The following NEXN variants were observed in gnomAD, a reference collection of about 807,000 sequenced individuals.
The protein encoded by NEXN is nexilin F-actin binding protein.
A neutral mutation model predicts 92.6 loss-of-function variants in NEXN; 65 were observed. That is an observed-to-expected ratio of 0.70 (90% confidence interval 0.57 to 0.86). NEXN has a LOEUF of 0.86. Ranked by LOEUF, NEXN falls within the 40% of genes least tolerant of loss-of-function variation. The pLI is 0.00. For missense variants in NEXN, 778 were observed against 771.1 expected (o/e 1.01, Z -0.11); for synonymous variants, 254 against 242.5 (o/e 1.05, Z -0.44).
At chr1:77,941,549 T>G (rs1198178959) in intron 11 of NEXN, among the ~76,000 whole-genome samples, 1 of 152,086 alleles carries the variant, frequency 6.6e-6, no homozygotes, top group African/African-American at 2.4e-5. Context: ...CCCTGCCATT[T>G]CACCATCAAT....
In NEXN at chr1:77,921,034, C is replaced by T. The variant is rs898862171; in HGVS notation, c.447+2761C>T. ...CCTAGTTTGTTGGAAAAAAAGTATTCTCCAATGTTTTCTTGTTTTGGTAAT... is the reference window on the plus strand; with the variant it reads ...CCTAGTTTGTTGGAAAAAAAGTATTTTCCAATGTTTTCTTGTTTTGGTAAT... On this transcript the variant is annotated intron_variant, in intron 5 of 12. Transcript: ENST00000334785. Among the ~76,000 whole-genome samples, 9 of 152,226 alleles carry T rather than the reference C, an allele frequency of 5.9e-5. No homozygotes were observed. The East Asian group carries it at 1.2e-3, about 20-fold the overall frequency.
intron 10 of NEXN, 58 bp downstream of exon 10, chr1:77,933,537 A>C: frequency 8.6e-7 from 1 of 1,164,584 alleles, no homozygotes; most frequent in Non-Finnish European, 1.3e-6. Flanking sequence ...TATTTTACTT[A>C]TATCACCTTA....
rs1258136800 is a variant in NEXN, at chr1:77,942,683, T to A, written c.1882T>A (p.Tyr628Asn). Residue 628 changes from tyrosine to asparagine, a missense_variant, in exon 13 of 13, where the codon TAT becomes AAT. Transcript: ENST00000334785. The stretch of plus-strand genomic sequence containing the variant: ...AGAAATACTGCAGGATGGAGAAGAC[T>A]ATCAATATATTGAAAGGGGAGAAAC... ...EGEILQDGED[Y>N]QYIERGETYC... is the part of the protein sequence containing the mutation. 6.2e-7 allele frequency: 1 copy of A among 1,613,722 alleles called. No individual in the cohort carries two copies. Among genetic ancestry groups the A allele is most frequent in the Non-Finnish European group, 8.5e-7 (1 of 1,179,724 alleles).
At position 77,917,702 on chromosome 1, in the gene NEXN, AAAG is replaced by A. The variant is rs1435048653; in HGVS notation, c.170_172del (p.Arg57del). The A allele has an allele frequency of 7.4e-6, 12 of 1,611,778 alleles. No individual in the cohort carries two copies. The highest frequency in any genetic ancestry group is 1.0e-5 in the Non-Finnish European group (12 of 1,178,582). On this transcript the variant is annotated inframe_deletion, in exon 3 of 13. Coordinates refer to ENST00000334785, the MANE Select transcript of NEXN (RefSeq NM_144573.4). ...CAAAGGAGATCTAGAGACGAAAAAC[AAAG>A]AAGAAAAGAACAATATATTAGAGAG...
rs1340718075 is a variant in NEXN, at chr1:77,943,317, A to T, written c.*488A>T. 3 of 178,676 alleles carry T rather than the reference A, an allele frequency of 1.7e-5. No homozygotes were observed. Among genetic ancestry groups the T allele is most frequent in the Non-Finnish European group, 3.6e-5 (3 of 83,996 alleles). The allele number at this position is 178,676 out of a possible 1,614,324, so 11.1% of individuals were successfully genotyped here. On this transcript the variant is annotated 3_prime_UTR_variant, in exon 13 of 13. Coordinates refer to ENST00000334785, the MANE Select transcript of NEXN (RefSeq NM_144573.4). ...CATTTCTGAGCTTTTTACACCTAAA[A>T]TTAGGCTGAAATAGCTGAGATAATT...
chr1:77,938,331 T>C lies in NEXN; in HGVS notation c.1473+2287T>C, dbSNP rs549454695. On this transcript the variant is annotated intron_variant, in intron 11 of 12. Coordinates refer to ENST00000334785, the MANE Select transcript of NEXN (RefSeq NM_144573.4). ...TTGGATCTGTTGTTTTGGGGATATA[T>C]ATGTGGATATAATAAGCATTTAAGA... Among the ~76,000 whole-genome samples the C allele has an allele frequency of 5.3e-5, 8 of 152,256 alleles. 1 individual carries two copies. The South Asian group carries it at 1.7e-3, about 32-fold the overall frequency.
At chr1:77,927,035 C>T (rs914734355) in intron 8 of NEXN, 143 bp downstream of exon 8, 1 of 1,170,912 alleles carries the variant, frequency 8.5e-7, no homozygotes. Flanking sequence ...ATATAAAATA[C>T]ATCTAGGCTA....
intron 9 of NEXN, among the ~76,000 whole-genome samples, chr1:77,932,720 T>C (rs950272928): frequency 7.9e-5 from 12 of 152,228 alleles, no homozygotes; most frequent in African/African-American, 2.4e-4. Context: ...TAATGGAGAA[T>C]AGATGGTTAC....
At chr1:77,931,291 G>C (rs979611193) in intron 9 of NEXN, among the ~76,000 whole-genome samples, 2 of 149,024 alleles carry the variant, frequency 1.3e-5, no homozygotes, top group Non-Finnish European at 3.0e-5. Context: ...GCGGGCACCT[G>C]TAGTCCCAGC....
intron 2 of NEXN, among the ~76,000 whole-genome samples, chr1:77,917,233 G>A (rs1649048736): frequency 6.6e-6 from 1 of 152,280 alleles, no homozygotes; most frequent in Non-Finnish European, 1.5e-5. Flanking sequence ...AATGGAGTTA[G>A]ACAATAAAAG....
Position 77,917,671 on chromosome 1 carries a change from A to C in NEXN, c.133A>C (p.Arg45=), listed in dbSNP as rs2102092028. 1 of 1,613,100 alleles carries C rather than the reference A, an allele frequency of 6.2e-7. No homozygotes were observed. Among genetic ancestry groups the C allele is most frequent in the Non-Finnish European group, 8.5e-7 (1 of 1,179,364 alleles). The part of the protein sequence containing the change: ...FEAMQRAREE[R]NQRRSRDEKQ... ...AGCCATGCAGAGAGCCAGGGAAGAA[A>C]GAAATCAAAGGAGATCTAGAGACGA... Residue 45 remains arginine, a synonymous_variant, in exon 3 of 13, where the codon AGA becomes CGA. Coordinates refer to ENST00000334785, the MANE Select transcript of NEXN (RefSeq NM_144573.4).
At chr1:77,936,411 A>AC (rs1650773472) in intron 11 of NEXN, among the ~76,000 whole-genome samples, 2 of 152,198 alleles carry the variant, frequency 1.3e-5, no homozygotes, top group Non-Finnish European at 2.9e-5. Flanking sequence ...ACAAAGTGAA[A>AC]CCCCATCTCT....
intron 9 of NEXN, among the ~76,000 whole-genome samples, chr1:77,930,367 C>T (rs373679442): frequency 6.6e-6 from 1 of 152,160 alleles, no homozygotes; most frequent in Non-Finnish European, 1.5e-5. Flanking sequence ...TGAAATCTGT[C>T]AGTTTTCCCC....
At chr1:77,919,219 A>G (rs908183259) in intron 5 of NEXN, among the ~76,000 whole-genome samples, 36 of 152,134 alleles carry the variant, frequency 2.4e-4, no homozygotes, top group African/African-American at 8.4e-4. Flanking sequence ...CCCCATCCCC[A>G]TGATTCAAAT....
intron 1 of NEXN, among the ~76,000 whole-genome samples, chr1:77,903,584 A>G (rs1157446312): frequency 6.6e-6 from 1 of 152,244 alleles, no homozygotes; most frequent in African/African-American, 2.4e-5. Context: ...CTAAATAGAA[A>G]TAATTTCTGG....
chr1:77,908,272 C>T (rs924900684), intron 1 of NEXN, among the ~76,000 whole-genome samples: 9 of 151,912 alleles, frequency 5.9e-5, no homozygotes, highest in East Asian at 3.9e-4. Flanking sequence ...AGATGAGTCT[C>T]GCTATGTTGC....
At chr1:77,894,685 A>G (rs1647184196) in intron 1 of NEXN, among the ~76,000 whole-genome samples, 1 of 151,760 alleles carries the variant, frequency 6.6e-6, no homozygotes, top group African/African-American at 2.4e-5. Context: ...GATTACAGGC[A>G]TGAACCAATG....
chr1:77,893,976 C>T (rs986839690), intron 1 of NEXN, among the ~76,000 whole-genome samples: 2 of 151,964 alleles, frequency 1.3e-5, no homozygotes, highest in African/African-American at 2.4e-5. Flanking sequence ...TATAGCCATT[C>T]GCCACCACGC....
chr1:77,904,208 G>A (rs1647932547), intron 1 of NEXN, among the ~76,000 whole-genome samples: 1 of 152,002 alleles, frequency 6.6e-6, no homozygotes, highest in South Asian at 2.1e-4. Flanking sequence ...GGCCAGGCTG[G>A]TCTCAAACTC....
Sources: allele counts gnomAD v4.1 joint callset (sites outside exome capture counted in the v4.1 genomes callset), GRCh38; gene constraint gnomAD v4.1.1; transcripts MANE v1.5; gene names NCBI Gene and HGNC (gene_info 2026-07-23, HGNC 2026-07-21).